SDK1: variants seen among roughly 807,000 people sequenced by gnomAD.
The protein encoded by SDK1 is sidekick cell adhesion molecule 1.
In SDK1, 157 loss-of-function variants were observed where a neutral mutation model predicts 245.5. The observed-to-expected ratio is 0.64, with a 90% CI of 0.56 to 0.73. SDK1 has a LOEUF of 0.73. Among genes scored for constraint, SDK1 ranks in the 30% least tolerant of loss-of-function variants. The probability of loss-of-function intolerance (pLI) is 0.00; values close to 1 mark genes in which losing one functional copy is unlikely to be tolerated. For missense variants in SDK1, 3,583 were observed against 3,002.3 expected (o/e 1.19, Z -4.52); for synonymous variants, 1,647 against 1,278.5 (o/e 1.29, Z -6.15).
intron 5 of SDK1, among the ~76,000 whole-genome samples, chr7:3,823,699 G>A (rs1779701361): frequency 6.6e-6 from 1 of 151,960 alleles, no homozygotes; most frequent in South Asian, 2.1e-4. Context: ...ACTTTTCATT[G>A]GCACCAGGTA....
intron 1 of SDK1, among the ~76,000 whole-genome samples, chr7:3,508,263 G>T (rs994332889): frequency 2.7e-5 from 4 of 150,942 alleles, no homozygotes; most frequent in Admixed American, 1.3e-4. Flanking sequence ...TCAAAAGTAT[G>T]CCCCAAATTA....
chr7:3,502,364 C>G (rs1341086633), intron 1 of SDK1, among the ~76,000 whole-genome samples: 2 of 152,120 alleles, frequency 1.3e-5, no homozygotes, highest in Non-Finnish European at 2.9e-5. Flanking sequence ...ATTCTCTTGC[C>G]TCAGCCTCCC....
intron 1 of SDK1, among the ~76,000 whole-genome samples, chr7:3,559,100 T>G (rs1177906169): frequency 6.6e-6 from 1 of 152,210 alleles, no homozygotes; most frequent in Non-Finnish European, 1.5e-5. Context: ...CTGACTGAAA[T>G]TACTTTCCTT....
At chr7:4,073,571 A>T (rs1261853694) in intron 20 of SDK1, among the ~76,000 whole-genome samples, 1 of 152,248 alleles carries the variant, frequency 6.6e-6, no homozygotes, top group African/African-American at 2.4e-5. Flanking sequence ...TTAAACAAAT[A>T]AAATTTTCTG....
chr7:3,791,895 G>A (rs145522586), intron 4 of SDK1, among the ~76,000 whole-genome samples: 1,655 of 152,106 alleles, frequency 0.011, 38 homozygotes, highest in Admixed American at 0.052. Context: ...AGGGTGAAGC[G>A]GGAGGGTCAC....
At chr7:3,959,051 C>A (rs753798210) in intron 8 of SDK1, 37 bp downstream of exon 8, 5 of 1,500,528 alleles carry the variant, frequency 3.3e-6, no homozygotes, top group East Asian at 4.5e-5. Context: ...GGAGCCATGA[C>A]TGGGAGGAAG....
chr7:4,219,352 A>G (rs1785009420), intron 38 of SDK1, among the ~76,000 whole-genome samples: 1 of 152,188 alleles, frequency 6.6e-6, no homozygotes, highest in South Asian at 2.1e-4. Context: ...CATACTTGAG[A>G]CTGGGTAATT....
At chr7:3,908,822 A>G (rs1431390607) in intron 5 of SDK1, among the ~76,000 whole-genome samples, 1 of 150,518 alleles carries the variant, frequency 6.6e-6, no homozygotes, top group East Asian at 1.9e-4. Context: ...TTAGGAGGAA[A>G]GAATTCATTT....
chr7:4,186,609 G>A (rs1782912317), intron 35 of SDK1, among the ~76,000 whole-genome samples: 1 of 152,138 alleles, frequency 6.6e-6, no homozygotes, highest in Admixed American at 6.5e-5. Flanking sequence ...GGGGCTTCTG[G>A]GGCCTACAGC....
chr7:3,906,010 A>G (rs1005037458), intron 5 of SDK1, among the ~76,000 whole-genome samples: 2 of 152,020 alleles, frequency 1.3e-5, no homozygotes, highest in Non-Finnish European at 2.9e-5. Flanking sequence ...CGATTTAAGC[A>G]TATTTGCATC....
At chr7:3,635,821 C>G (rs1423659866) in intron 2 of SDK1, among the ~76,000 whole-genome samples, 1 of 152,142 alleles carries the variant, frequency 6.6e-6, no homozygotes, top group African/African-American at 2.4e-5. Flanking sequence ...ATCTTCCCAC[C>G]TCAGCCCCTA....
chr7:3,487,195 C>A (rs1028824207), intron 1 of SDK1, among the ~76,000 whole-genome samples: 5 of 152,130 alleles, frequency 3.3e-5, no homozygotes, highest in Non-Finnish European at 7.4e-5. Context: ...TCAGCATAAG[C>A]CTTATGACAC....
chr7:4,164,285 C>T (rs1018409274), intron 32 of SDK1, among the ~76,000 whole-genome samples: 3 of 152,224 alleles, frequency 2.0e-5, no homozygotes, highest in African/African-American at 7.2e-5. Flanking sequence ...AACTTGCCAT[C>T]GGGTGACTGT....
At chr7:3,392,464 T>G (rs1305043708) in intron 1 of SDK1, among the ~76,000 whole-genome samples, 2 of 152,118 alleles carry the variant, frequency 1.3e-5, no homozygotes, top group East Asian at 3.9e-4. Context: ...TACACACATA[T>G]AGCATAGAAT....
intron 5 of SDK1, among the ~76,000 whole-genome samples, chr7:3,945,896 C>G (rs1302945751): frequency 4.4e-5 from 1 of 22,520 alleles, no homozygotes; most frequent in Non-Finnish European, 7.6e-5. Flanking sequence ...AAGACTCTGT[C>G]TGTAAAAAAA....
At chr7:4,243,144 C>T (rs982273800) in intron 43 of SDK1, among the ~76,000 whole-genome samples, 1 of 152,242 alleles carries the variant, frequency 6.6e-6, no homozygotes, top group Non-Finnish European at 1.5e-5. Context: ...TAAGATATTA[C>T]ATGCCCTGCT....
intron 4 of SDK1, among the ~76,000 whole-genome samples, chr7:3,646,735 A>T (rs1782850928): frequency 6.6e-6 from 1 of 152,238 alleles, no homozygotes; most frequent in Non-Finnish European, 1.5e-5. Context: ...ACTTGAAAAG[A>T]CATGGATTAA....
At chr7:3,960,779 G>T (rs1056097634) in intron 8 of SDK1, among the ~76,000 whole-genome samples, 1 of 152,188 alleles carries the variant, frequency 6.6e-6, no homozygotes, top group East Asian at 1.9e-4. Flanking sequence ...AGAGTAAGAC[G>T]AATTTTACGT....
At chr7:3,881,373 G>C (rs540872915) in intron 5 of SDK1, among the ~76,000 whole-genome samples, 1 of 152,092 alleles carries the variant, frequency 6.6e-6, no homozygotes, top group Non-Finnish European at 1.5e-5. Flanking sequence ...CTGTTCCTGC[G>C]TTGGTTTTCT....
Sources: gnomAD v4.1 joint callset for allele counts (sites outside exome capture counted in the v4.1 genomes callset) on GRCh38, gnomAD v4.1.1 for gene constraint, MANE v1.5 for transcripts, NCBI Gene and HGNC (gene_info 2026-07-23, HGNC 2026-07-21) for gene names.